MICU1: variants seen among roughly 807,000 people sequenced by gnomAD.
MICU1 encodes the protein mitochondrial calcium uptake 1.
Under a neutral mutation model 56.8 loss-of-function variants are expected in MICU1, and 45 were observed. The ratio of observed to expected loss-of-function variants is 0.79; its 90% CI spans 0.62 to 1.02. MICU1 has a LOEUF of 1.02. MICU1 is among the 50% of genes least tolerant of loss of function. The pLI, the probability that MICU1 is intolerant of heterozygous loss-of-function variation, is 0.00. For missense variants in MICU1, 504 were observed against 587.1 expected, an observed-to-expected ratio of 0.86 and a Z score of 1.46; for synonymous variants, 186 against 195.1, an observed-to-expected ratio of 0.95 and a Z score of 0.39.
Position 72,367,976 on chromosome 10 carries a change from G to A in MICU1, c.*219C>T, listed in dbSNP as rs1196560172. ...GTCTGAGCTTTACAGACTTGTTCAT[G>A]TTTTTGAGAACCTATGGGGATACTC... On this transcript the variant is annotated 3_prime_UTR_variant, in exon 12 of 12. Transcript: ENST00000361114. The A allele has an allele frequency of 4.1e-6, 2 of 486,244 alleles. No homozygotes were observed. The highest frequency in any genetic ancestry group is 7.3e-6 in the Non-Finnish European group (2 of 273,574). The allele number at this position is 486,244 out of a possible 1,614,324, so 30.1% of individuals were successfully genotyped here.
Position 72,511,440 on chromosome 10 carries a change from A to G in MICU1, c.538-3171T>C, listed in dbSNP as rs557203784. Among the ~76,000 whole-genome samples the G allele has an allele frequency of 3.3e-5, 5 of 152,370 alleles. No individual in the cohort carries two copies. In the South Asian group the frequency reaches 6.2e-4, roughly 19 times the overall value. ...CATTTTTAAAGAAGATTTGAGAAAC[A>G]TAAGAATGAGACAGAACACTTTGAG... On this transcript the variant is annotated intron_variant, in intron 5 of 11. Coordinates refer to ENST00000361114, the MANE Select transcript of MICU1 (RefSeq NM_001195518.2).
At chr10:72,432,700 G>A (rs954821891) in intron 8 of MICU1, among the ~76,000 whole-genome samples, 1 of 152,124 alleles carries the variant, frequency 6.6e-6, no homozygotes, top group Admixed American at 6.5e-5. Flanking sequence ...GTGAACGAGA[G>A]CAAGAACTCA....
intron 5 of MICU1, among the ~76,000 whole-genome samples, chr10:72,532,309 C>A (rs1839509667): frequency 6.6e-6 from 1 of 151,100 alleles, no homozygotes; most frequent in Non-Finnish European, 1.5e-5. Flanking sequence ...CAGAGCGAGA[C>A]TCCATCTCAA....
At chr10:72,584,635 C>T (rs1019512674) in intron 1 of MICU1, among the ~76,000 whole-genome samples, 2 of 152,000 alleles carry the variant, frequency 1.3e-5, no homozygotes, top group African/African-American at 2.4e-5. Flanking sequence ...TCACTGCAGC[C>T]TCCACCTCCT....
At chr10:72,489,322 AC>A (rs1222781953) in intron 6 of MICU1, among the ~76,000 whole-genome samples, 35 of 141,000 alleles carry the variant, frequency 2.5e-4, no homozygotes, top group East Asian at 4.1e-4. Context: ...ACACACACAC[AC>A]AAAAATAAAA....
chr10:72,503,142 T>C (rs11000331), intron 6 of MICU1, among the ~76,000 whole-genome samples: 70,814 of 151,992 alleles, frequency 0.47, 20,372 homozygotes, highest in Non-Finnish European at 0.67. Flanking sequence ...AAAGTAACAA[T>C]AGTATAAACT....
chr10:72,600,661 A>G (rs560126077), intron 1 of MICU1, among the ~76,000 whole-genome samples: 23 of 151,940 alleles, frequency 1.5e-4, no homozygotes, highest in Admixed American at 1.2e-3. Context: ...AAAAAAAAAA[A>G]AAAAAGAAAA....
chr10:72,625,307 A>C lies in MICU1; in HGVS notation c.-2+703T>G, dbSNP rs533339123. ...ATTTTTTAAGACATGGAAAATTGGA[A>C]GGTAAAGAAACCATCAACCATAAGA... On this transcript the variant is annotated intron_variant, in intron 1 of 11. Coordinates refer to ENST00000361114, the MANE Select transcript of MICU1 (RefSeq NM_001195518.2). 2.6e-5 allele frequency among the ~76,000 whole-genome samples: 4 copies of C among 152,322 alleles called. 1 individual carries two copies. Among genetic ancestry groups the C allele is most frequent in the African/African-American group, 9.6e-5 (4 of 41,576 alleles).
In MICU1 at chr10:72,516,335, C is replaced by T. The variant is rs535596977; in HGVS notation, c.538-8066G>A. Among the ~76,000 whole-genome samples the T allele has an allele frequency of 6.6e-5, 10 of 152,172 alleles. No homozygotes were observed. The East Asian group carries it at 1.9e-3, about 29-fold the overall frequency. On this transcript the variant is annotated intron_variant, in intron 5 of 11. Transcript: ENST00000361114. Reference sequence around the variant, plus strand: ...GTTCCTTGTAAATTCTGGATGTTAGCCCTTTGTCAGATGGATACATTGCAA... The same window carrying T: ...GTTCCTTGTAAATTCTGGATGTTAGTCCTTTGTCAGATGGATACATTGCAA...
intron 1 of MICU1, among the ~76,000 whole-genome samples, chr10:72,569,237 A>ATATAT: frequency 6.4e-4 from 22 of 34,378 alleles, no homozygotes; most frequent in East Asian, 6.2e-3. Flanking sequence ...ATATATATAT[A>ATATAT]TTTTTTTTTT....
chr10:72,602,598 G>A (rs1230137408), intron 1 of MICU1, among the ~76,000 whole-genome samples: 2 of 152,092 alleles, frequency 1.3e-5, no homozygotes, highest in African/African-American at 2.4e-5. Flanking sequence ...TAAAAGTTTT[G>A]ACTAAGCCAA....
intron 8 of MICU1, among the ~76,000 whole-genome samples, chr10:72,453,583 G>A (rs1476289330): frequency 1.3e-5 from 2 of 152,084 alleles, no homozygotes; most frequent in East Asian, 3.9e-4. Flanking sequence ...AGGCTGGAGT[G>A]CAGTGGCATA....
chr10:72,432,864 C>A (rs2132161595), intron 8 of MICU1, among the ~76,000 whole-genome samples: 1 of 152,272 alleles, frequency 6.6e-6, no homozygotes, highest in Non-Finnish European at 1.5e-5. Context: ...ACTCAGTTTG[C>A]CCATCTGTTA....
chr10:72,448,173 G>GTGTGTGTGTATA (rs1393436881), intron 8 of MICU1, among the ~76,000 whole-genome samples: 14 of 77,188 alleles, frequency 1.8e-4, no homozygotes, highest in African/African-American at 6.8e-4. Context: ...ATATGTGTGT[G>GTGTGTGTGTATA]TATATATATA....
intron 8 of MICU1, among the ~76,000 whole-genome samples, chr10:72,459,508 G>A (rs1223066932): frequency 2.0e-5 from 3 of 151,948 alleles, no homozygotes; most frequent in South Asian, 4.1e-4. Context: ...TGTGCTTCAC[G>A]TCCTTAGCTG....
chr10:72,492,033 C>T (rs867268790), intron 6 of MICU1, among the ~76,000 whole-genome samples: 1 of 152,144 alleles, frequency 6.6e-6, no homozygotes, highest in Non-Finnish European at 1.5e-5. Context: ...ATTAGAGTAG[C>T]TATTCTTTTC....
Position 72,438,587 on chromosome 10 carries a change from C to CA in MICU1, c.934-15217dup, listed in dbSNP as rs200188681. Among the ~76,000 whole-genome samples, 616 of 147,128 alleles carry CA rather than the reference C, an allele frequency of 4.2e-3. 3 individuals carry two copies. Among genetic ancestry groups the CA allele is most frequent in the African/African-American group, 0.011 (421 of 39,532 alleles). ...AAGAGATAGAGACACAAAAACCCTT[C>CA]AAAAAAAATCAATGAATCCAGGAGC... On this transcript the variant is annotated intron_variant, in intron 8 of 11. Transcript: ENST00000361114.
chr10:72,398,505 C>A (rs1166858951), intron 10 of MICU1, among the ~76,000 whole-genome samples: 1 of 151,254 alleles, frequency 6.6e-6, no homozygotes, highest in Non-Finnish European at 1.5e-5. Flanking sequence ...AATCTAGGAG[C>A]CGGTTTTTTG....
rs193101012 is a variant in MICU1, at chr10:72,521,082, A to G, written c.537+12664T>C. Among the ~76,000 whole-genome samples the G allele has an allele frequency of 1.1e-3, 165 of 152,258 alleles. 1 individual carries two copies. Among genetic ancestry groups the G allele is most frequent in the Middle Eastern group, 0.01 (3 of 294 alleles). On this transcript the variant is annotated intron_variant, in intron 5 of 11. Coordinates refer to ENST00000361114, the MANE Select transcript of MICU1 (RefSeq NM_001195518.2). Reference sequence around the variant, plus strand: ...TGTTGTTTTTAGTCACTTGGGTTATAAAAAGTTTCTCTATCACTTAATGTA... The same window carrying G: ...TGTTGTTTTTAGTCACTTGGGTTATGAAAAGTTTCTCTATCACTTAATGTA...
Sources: gnomAD v4.1 joint callset for allele counts (sites outside exome capture counted in the v4.1 genomes callset) on GRCh38, gnomAD v4.1.1 for gene constraint, MANE v1.5 for transcripts, NCBI Gene and HGNC (gene_info 2026-07-23, HGNC 2026-07-21) for gene names.